CDH23: variants seen among roughly 807,000 people sequenced by gnomAD.
CDH23 encodes cadherin-23.
Under a neutral mutation model 317.1 loss-of-function variants are expected in CDH23, and 189 were observed. That is an observed-to-expected ratio of 0.60 (90% CI 0.53 to 0.67). The LOEUF is 0.67. Ranked by LOEUF, CDH23 falls within the 30% of genes least tolerant of loss-of-function variation. The probability of loss-of-function intolerance (pLI) is 0.00; values close to 1 mark genes in which losing one functional copy is unlikely to be tolerated. For missense variants in CDH23, 4,401 were observed against 4,592.4 expected (o/e 0.96, Z 1.20); for synonymous variants, 1,839 against 1,876.8 (o/e 0.98, Z 0.52).
At chr10:71,450,919 C>T (rs555663926) in intron 3 of CDH23, among the ~76,000 whole-genome samples, 3 of 152,120 alleles carry the variant, frequency 2.0e-5, no homozygotes, top group Non-Finnish European at 4.4e-5. Flanking sequence ...CTATAGCCAC[C>T]TCTCTACTCA....
chr10:71,678,150 C>T (rs1053961451), intron 16 of CDH23, among the ~76,000 whole-genome samples: 4 of 152,152 alleles, frequency 2.6e-5, no homozygotes, highest in East Asian at 1.9e-4. Flanking sequence ...TCCCACCCCC[C>T]GACCCATCCA....
intron 11 of CDH23, among the ~76,000 whole-genome samples, chr10:71,625,710 G>A (rs1861701470): frequency 6.6e-6 from 1 of 152,188 alleles, no homozygotes; most frequent in Non-Finnish European, 1.5e-5. Flanking sequence ...TGCAAAGGTT[G>A]CGTTCCTGGC....
chr10:71,760,827 A>G, intron 38 of CDH23: 1 of 1,588,396 alleles, frequency 6.3e-7, no homozygotes. Flanking sequence ...AGGACAGAAG[A>G]AAACAGAGAA....
intron 38 of CDH23, among the ~76,000 whole-genome samples, chr10:71,771,695 G>A (rs1442064143): frequency 6.6e-6 from 1 of 152,216 alleles, no homozygotes; most frequent in Non-Finnish European, 1.5e-5. Flanking sequence ...AGGAAGAGAT[G>A]ACCCTTTAGT....
At chr10:71,465,400 A>G (rs143995601) in intron 3 of CDH23, among the ~76,000 whole-genome samples, 1 of 152,346 alleles carries the variant, frequency 6.6e-6, no homozygotes, top group African/African-American at 2.4e-5. Flanking sequence ...TATCCCTAAG[A>G]CAAAGGACAT....
At chr10:71,646,320 G>A in intron 13 of CDH23, 139 bp from the exon 14 acceptor site, 1 of 1,340,738 alleles carries the variant, frequency 7.5e-7, no homozygotes, top group Non-Finnish European at 1.0e-6. Context: ...GCTCGCAGTA[G>A]CACAGAGCTG....
intron 1 of CDH23, among the ~76,000 whole-genome samples, chr10:71,432,485 GAGT>G (rs1849438150): frequency 6.6e-6 from 1 of 150,738 alleles, no homozygotes; most frequent in Non-Finnish European, 1.5e-5. Context: ...GTGTGTTTGA[GAGT>G]GTGTGTGTGC....
chr10:71,439,519 C>G (rs559126017), intron 1 of CDH23, among the ~76,000 whole-genome samples: 43 of 152,334 alleles, frequency 2.8e-4, no homozygotes, highest in African/African-American at 1.0e-3. Flanking sequence ...ATATGTCACT[C>G]TTTGCCCAGA....
intron 3 of CDH23, among the ~76,000 whole-genome samples, chr10:71,497,569 G>T (rs1853045856): frequency 6.6e-6 from 1 of 152,230 alleles, no homozygotes; most frequent in South Asian, 2.1e-4. Flanking sequence ...CATTCCCCAA[G>T]TGTCCAAACC....
chr10:71,777,916 G>A lies in CDH23; in HGVS notation c.5067+15G>A, dbSNP rs367928867. ...ACAGACACATGGTCAGCAGCTGATGGCAGGATCAAGACAAGGGGCGAAACC... is the reference window on the plus strand; with the variant it reads ...ACAGACACATGGTCAGCAGCTGATGACAGGATCAAGACAAGGGGCGAAACC... On this transcript the variant is annotated intron_variant, in intron 39 of 69. Transcript: ENST00000224721. The A allele has an allele frequency of 1.8e-3, 2,907 of 1,613,542 alleles. 5 individuals are homozygous for A. Among genetic ancestry groups the A allele is most frequent in the Non-Finnish European group, 2.2e-3 (2,540 of 1,179,588 alleles).
rs543919752 is a variant in CDH23 at position 71,447,581 on chromosome 10, G to A, written c.145+1186G>A. 5.3e-5 allele frequency among the ~76,000 whole-genome samples: 8 copies of A among 152,234 alleles called. No homozygotes were observed. The East Asian group carries it at 1.2e-3, about 22-fold the overall frequency. ...CTGTGGGGGGCCCTCTGTGGAAAACGGCTACTCCTTTGGTGATAGATCAGT... is the reference window on the plus strand; with the variant it reads ...CTGTGGGGGGCCCTCTGTGGAAAACAGCTACTCCTTTGGTGATAGATCAGT... On this transcript the variant is annotated intron_variant, in intron 3 of 69. Transcript: ENST00000224721.
intron 50 of CDH23, among the ~76,000 whole-genome samples, 156 bp from the exon 51 acceptor site, chr10:71,798,955 C>A (rs1340758020): frequency 5.9e-5 from 9 of 152,194 alleles, no homozygotes; most frequent in Non-Finnish European, 1.3e-4. Context: ...CCAGTCCCTC[C>A]CTGCCGTGTG....
At chr10:71,732,948 A>G (rs964772461) in intron 32 of CDH23, among the ~76,000 whole-genome samples, 6 of 152,078 alleles carry the variant, frequency 3.9e-5, no homozygotes, top group African/African-American at 1.4e-4. Flanking sequence ...CCCACACACC[A>G]CGCAATTCTC....
chr10:71,812,568 A>G lies in CDH23; in HGVS notation c.9469A>G (p.Ser3157Gly), dbSNP rs764196190. 1 of 1,613,916 alleles carries G rather than the reference A, an allele frequency of 6.2e-7. No homozygotes were observed. The highest frequency in any genetic ancestry group is 8.5e-7 in the Non-Finnish European group (1 of 1,179,872). Residue 3157 changes from serine (S) to glycine (G), a missense_variant, in exon 67 of 70, where the codon AGT (serine) becomes GGT (glycine). Ser to Gly is a moderately conservative substitution (Grantham distance 56). Transcript: ENST00000224721. ...TGAGGATGACCTACCGGAGAACCTG[A>G]GTGAGATCGCCGACCTGTGGAACAG... ...EHEDDLPENL[S>G]EIADLWNSPT...
chr10:71,561,539 C>A (rs1003754497), intron 6 of CDH23, among the ~76,000 whole-genome samples: 1 of 152,174 alleles, frequency 6.6e-6, no homozygotes, highest in African/African-American at 2.4e-5. Context: ...CACGGCAGAA[C>A]TTTCCCAGAG....
intron 26 of CDH23, among the ~76,000 whole-genome samples, chr10:71,708,311 G>A (rs566545031): frequency 7.9e-5 from 12 of 152,252 alleles, no homozygotes; most frequent in African/African-American, 1.9e-4. Context: ...GAGCCCTCCC[G>A]GATTTTCAGT....
At chr10:71,753,207 G>A (rs1840051168) in intron 38 of CDH23, among the ~76,000 whole-genome samples, 1 of 152,220 alleles carries the variant, frequency 6.6e-6, no homozygotes, top group African/African-American at 2.4e-5. Flanking sequence ...TCCATGAGGG[G>A]CCCATTTTGA....
intron 4 of CDH23, 44 bp from the exon 5 acceptor site, chr10:71,510,910 A>C: frequency 3.9e-5 from 62 of 1,605,256 alleles, no homozygotes; most frequent in Non-Finnish European, 4.9e-5. Flanking sequence ...CCAGGACCTC[A>C]GCACCGCCTA....
At chr10:71,612,968 C>G (rs540694676) in intron 9 of CDH23, among the ~76,000 whole-genome samples, 15 of 152,356 alleles carry the variant, frequency 9.8e-5, no homozygotes, top group Middle Eastern at 3.4e-3. Flanking sequence ...CATGCCTCAG[C>G]CTCCTGAGTA....
Sources: gnomAD v4.1 joint callset for allele counts (sites outside exome capture counted in the v4.1 genomes callset) on GRCh38, gnomAD v4.1.1 for gene constraint, MANE v1.5 for transcripts, NCBI Gene and HGNC (gene_info 2026-07-23, HGNC 2026-07-21) for gene names.